The following ATP8A2 variants were observed in gnomAD, a reference collection of about 807,000 sequenced individuals.
The protein encoded by ATP8A2 is ATPase phospholipid transporting 8A2, also known as phospholipid-transporting ATPase IB.
Under a neutral mutation model 165.6 loss-of-function variants are expected in ATP8A2, and 100 were observed. The observed-to-expected ratio is 0.60, with a 90% CI of 0.51 to 0.71. The LOEUF (loss-of-function observed/expected upper bound fraction) is 0.71. ATP8A2 is among the 30% of genes least tolerant of loss of function. ATP8A2 has a pLI of 0.00. For synonymous variants in ATP8A2, 543 were observed against 548.8 expected, an observed-to-expected ratio of 0.99 and a Z score of 0.15; for missense variants, 1,227 against 1,479.5, an observed-to-expected ratio of 0.83 and a Z score of 2.80.
At chr13:25,801,189 A>G (rs1950614632) in intron 27 of ATP8A2, among the ~76,000 whole-genome samples, 1 of 152,152 alleles carries the variant, frequency 6.6e-6, no homozygotes, top group South Asian at 2.1e-4. Flanking sequence ...TCCAGGCTCT[A>G]GGTACTCTAC....
intron 11 of ATP8A2, among the ~76,000 whole-genome samples, chr13:25,551,776 C>A (rs548592520): frequency 1.3e-5 from 2 of 152,068 alleles, no homozygotes; most frequent in African/African-American, 4.8e-5. Context: ...AATGTATTTC[C>A]CAATTTATCC....
chr13:25,919,262 A>G (rs1954366928), intron 33 of ATP8A2, among the ~76,000 whole-genome samples: 1 of 152,196 alleles, frequency 6.6e-6, no homozygotes. Context: ...TGGGGAAAAT[A>G]TAGACAAGGC....
intron 24 of ATP8A2, among the ~76,000 whole-genome samples, chr13:25,629,771 A>G (rs1478828857): frequency 6.6e-6 from 1 of 152,158 alleles, no homozygotes; most frequent in East Asian, 1.9e-4. Context: ...GTTTTCCAGC[A>G]TAAAACCCCT....
At chr13:25,449,442 GTT>G (rs1362648452) in intron 1 of ATP8A2, among the ~76,000 whole-genome samples, 23 of 152,194 alleles carry the variant, frequency 1.5e-4, no homozygotes, top group Non-Finnish European at 5.9e-5. Flanking sequence ...GAGGCCATAT[GTT>G]ATTTCAGTTC....
At chr13:25,831,077 T>A (rs1951452008) in intron 28 of ATP8A2, among the ~76,000 whole-genome samples, 2 of 152,184 alleles carry the variant, frequency 1.3e-5, no homozygotes, top group South Asian at 4.1e-4. Context: ...TTGCTAGTGA[T>A]CCTCCTCTTC....
At chr13:25,577,192 C>G (rs2039643805) in intron 20 of ATP8A2, 54 bp downstream of exon 20, 2 of 1,443,148 alleles carry the variant, frequency 1.4e-6, no homozygotes, top group African/African-American at 2.8e-5. Flanking sequence ...CTTTGTTAAT[C>G]TGCCGCTTTT....
chr13:25,700,640 G>T (rs2042932456), intron 25 of ATP8A2, among the ~76,000 whole-genome samples: 1 of 152,110 alleles, frequency 6.6e-6, no homozygotes, highest in Non-Finnish European at 1.5e-5. Flanking sequence ...CTTTTTGACT[G>T]TTACGTGTAA....
Position 25,733,786 on chromosome 13 carries a change from T to C in ATP8A2, c.2384+34441T>C, listed in dbSNP as rs984756498. On this transcript the variant is annotated intron_variant, in intron 25 of 36. Transcript: ENST00000381655. ...GTATCTTGAGAATTCATCAGTTCCA[T>C]CTCCTTTCCTCAAATACAACTGCTC... 2.0e-5 allele frequency among the ~76,000 whole-genome samples: 3 copies of C among 152,268 alleles called. No homozygotes were observed. The East Asian group carries it at 5.8e-4, about 29-fold the overall frequency.
At chr13:25,720,588 C>T (rs1439369424) in intron 25 of ATP8A2, among the ~76,000 whole-genome samples, 5 of 152,166 alleles carry the variant, frequency 3.3e-5, no homozygotes, top group Non-Finnish European at 7.4e-5. Flanking sequence ...GTCGTCCACT[C>T]ATCTCACACG....
intron 24 of ATP8A2, among the ~76,000 whole-genome samples, chr13:25,612,680 T>G (rs113519403): frequency 0.017 from 2,561 of 152,246 alleles, 63 homozygotes; most frequent in African/African-American, 0.058. Flanking sequence ...TTAAGTACAT[T>G]GTTTCTTTGT....
intron 3 of ATP8A2, among the ~76,000 whole-genome samples, 160 bp from the exon 4 acceptor site, chr13:25,530,402 A>G (rs1008022631): frequency 2.0e-5 from 3 of 152,212 alleles, no homozygotes; most frequent in African/African-American, 7.2e-5. Context: ...AAAAATATGT[A>G]AAATACGTAG....
intron 33 of ATP8A2, among the ~76,000 whole-genome samples, chr13:25,886,852 G>GA (rs1953175441): frequency 6.6e-6 from 1 of 152,288 alleles, no homozygotes; most frequent in South Asian, 2.1e-4. Context: ...GTACTACATA[G>GA]GCTTTATTTA....
At chr13:25,431,502 CG>C (rs59058897) in intron 1 of ATP8A2, among the ~76,000 whole-genome samples, 3 of 151,450 alleles carry the variant, frequency 2.0e-5, no homozygotes, top group East Asian at 1.9e-4. Flanking sequence ...ACTTCGGCGG[CG>C]GGGGGGGAAT....
At chr13:25,890,031 A>C (rs1032869788) in intron 33 of ATP8A2, among the ~76,000 whole-genome samples, 2 of 152,048 alleles carry the variant, frequency 1.3e-5, no homozygotes, top group Non-Finnish European at 2.9e-5. Context: ...GCGTGGTGGC[A>C]CGTGCCTGTA....
chr13:26,019,895 T>G lies in ATP8A2; in HGVS notation c.3477T>G (p.Tyr1159Ter). Residue 1159 changes from tyrosine to a stop codon, truncating the protein, a stop_gained, in exon 37 of 37, where the codon TAT (tyrosine) becomes TAG (stop). Transcript: ENST00000381655. LOFTEE classifies it high-confidence loss of function. Reference protein sequence around the residue: ...SSLQQGVPHGYAFSQEEHGAV... With the variant: ...SSLQQGVPHG ...TGTGTGCTTCACTTTCAGATGGGTA[T>G]GCTTTTTCTCAAGAAGAACACGGAG... 2 of 1,613,130 alleles carry G rather than the reference T, an allele frequency of 1.2e-6. No homozygotes were observed. Among genetic ancestry groups the G allele is most frequent in the Non-Finnish European group, 1.7e-6 (2 of 1,179,026 alleles).
chr13:26,000,625 G>A (rs1956613219), intron 35 of ATP8A2, among the ~76,000 whole-genome samples: 2 of 146,222 alleles, frequency 1.4e-5, no homozygotes, highest in Non-Finnish European at 3.0e-5. Flanking sequence ...ATATCTCTGG[G>A]TGAAGTAATG....
chr13:25,832,973 GATAA>G (rs1271907572), intron 28 of ATP8A2, among the ~76,000 whole-genome samples: 1 of 150,150 alleles, frequency 6.7e-6, no homozygotes, highest in African/African-American at 2.5e-5. Context: ...AAAAACAGTA[GATAA>G]ATACTCGAAT....
At chr13:25,763,317 G>T (rs946694262) in intron 25 of ATP8A2, among the ~76,000 whole-genome samples, 1 of 152,130 alleles carries the variant, frequency 6.6e-6, no homozygotes, top group Non-Finnish European at 1.5e-5. Context: ...TGCATTCTTT[G>T]AAATAAAAAC....
intron 2 of ATP8A2, among the ~76,000 whole-genome samples, chr13:25,519,527 G>A (rs2037592267): frequency 6.6e-6 from 1 of 152,112 alleles, no homozygotes; most frequent in South Asian, 2.1e-4. Flanking sequence ...ATGATGGATG[G>A]ATGGATGGAT....
Sources: allele counts gnomAD v4.1 joint callset (sites outside exome capture counted in the v4.1 genomes callset), GRCh38; gene constraint gnomAD v4.1.1; transcripts MANE v1.5; gene names NCBI Gene and HGNC (gene_info 2026-07-23, HGNC 2026-07-21).